Variants in NCR1 observed in about 807,000 individuals in gnomAD.
NCR1 encodes NK cell-activating receptor.
In NCR1, 30 loss-of-function variants were observed where a neutral mutation model predicts 32.5. The observed-to-expected ratio is 0.92, with a 90% confidence interval of 0.69 to 1.25. NCR1 has a LOEUF of 1.25. Ranked by LOEUF, NCR1 falls within the 50% of genes most tolerant of loss-of-function variation. NCR1 has a pLI of 0.00. For missense variants in NCR1, 369 were observed against 380.7 expected (o/e 0.97, Z 0.26); for synonymous variants, 169 against 143.4 (o/e 1.18, Z -1.28).
chr19:54,922,663 C>T, the NCR1 span, among the ~76,000 whole-genome samples: 6 of 151,306 alleles, frequency 4.0e-5, no homozygotes, highest in Non-Finnish European at 8.8e-5. Flanking sequence ...GCTGTAATTC[C>T]GGCTACTCGG....
the NCR1 span, among the ~76,000 whole-genome samples, chr19:54,898,643 C>T: frequency 6.6e-5 from 10 of 152,220 alleles, no homozygotes; most frequent in East Asian, 3.9e-4. Flanking sequence ...GAGAATAAGA[C>T]GGCCTTTTGA....
Position 54,912,973 on chromosome 19 carries a change from G to A in NCR1, c.*102G>A. 2 of 1,155,720 alleles carry A rather than the reference G, an allele frequency of 1.7e-6. No homozygotes were observed. The highest frequency in any genetic ancestry group is 1.2e-6 in the Non-Finnish European group (1 of 823,422). 71.6% of individuals were successfully genotyped at this position (1,155,720 alleles called of 1,614,324 possible). A position where few individuals can be genotyped will look rare whatever the true frequency, so the allele number is the denominator to read the frequency against. The stretch of plus-strand genomic sequence containing the variant: ...TGGACCCACGGAGGAGGGAGTCACT[G>A]CAGGGAAAGAGGGACACTGGCATTC... On this transcript the variant is annotated 3_prime_UTR_variant, in exon 7 of 7. Coordinates refer to ENST00000291890, the MANE Select transcript of NCR1 (RefSeq NM_004829.7).
chr19:54,914,463 T>C (rs775832), downstream of NCR1, among the ~76,000 whole-genome samples: 15,456 of 151,912 alleles, frequency 0.1, 2,105 homozygotes, highest in African/African-American at 0.31. Context: ...CTCAGCCTCC[T>C]GAATAGCTGG....
At chr19:54,923,352 C>T in the NCR1 span, among the ~76,000 whole-genome samples, 1 of 152,098 alleles carries the variant, frequency 6.6e-6, no homozygotes, top group Non-Finnish European at 1.5e-5. Flanking sequence ...ATGCACCTGG[C>T]AGATAGTAGA....
chr19:54,926,157 AC>A, the NCR1 span, among the ~76,000 whole-genome samples: 23 of 152,032 alleles, frequency 1.5e-4, no homozygotes, highest in South Asian at 3.9e-3. Context: ...AAAAGCTAAG[AC>A]CCAGGACAGC....
upstream of NCR1, among the ~76,000 whole-genome samples, chr19:54,903,350 GCATATATA>G (rs1166087943): frequency 1.3e-4 from 14 of 108,264 alleles, no homozygotes; most frequent in African/African-American, 2.7e-4. Flanking sequence ...ATACATATAT[GCATATATA>G]CATACATGTA....
At chr19:54,918,407 T>C (rs1211782693), downstream of NCR1, among the ~76,000 whole-genome samples, 2 of 152,018 alleles carry the variant, frequency 1.3e-5, no homozygotes, top group East Asian at 3.9e-4. Flanking sequence ...GTGCTGGCAT[T>C]ACAGACACCC....
chr19:54,926,501 C>T, the NCR1 span, among the ~76,000 whole-genome samples: 4 of 152,090 alleles, frequency 2.6e-5, no homozygotes, highest in East Asian at 1.9e-4. Flanking sequence ...ATCCCAGGGC[C>T]GAGCACAGTG....
the NCR1 span, chr19:54,923,676 C>A: frequency 6.3e-7 from 1 of 1,579,000 alleles, no homozygotes; most frequent in African/African-American, 1.3e-5. Flanking sequence ...GACCTGCATT[C>A]ATAAGACATC....
chr19:54,934,276 C>T, the NCR1 span, among the ~76,000 whole-genome samples: 1 of 152,114 alleles, frequency 6.6e-6, no homozygotes, highest in African/African-American at 2.4e-5. The surrounding 1 kb of genome is among the most constrained non-coding windows in gnomAD (Gnocchi z 6.7). Context: ...AGGGTTTCAC[C>T]ATGTTGGCCA....
chr19:54,901,765 C>T (rs972016899), upstream of NCR1, among the ~76,000 whole-genome samples: 2 of 152,122 alleles, frequency 1.3e-5, no homozygotes, highest in South Asian at 2.1e-4. Flanking sequence ...TTCAGGAGTT[C>T]AAAACCAGCC....
At chr19:54,904,694 G>C (rs1441093423), upstream of NCR1, among the ~76,000 whole-genome samples, 1 of 151,814 alleles carries the variant, frequency 6.6e-6, no homozygotes, top group Non-Finnish European at 1.5e-5. Flanking sequence ...CACCACACCC[G>C]GCTAATTTTG....
At chr19:54,906,252 C>T (rs1399849716) in intron 1 of NCR1, 31 bp downstream of exon 1, 2 of 1,614,058 alleles carry the variant, frequency 1.2e-6, no homozygotes, top group Non-Finnish European at 1.7e-6. Context: ...GGAATGGGAT[C>T]ACGGTGTGCC....
At chr19:54,912,069 T>C in intron 5 of NCR1, 99 bp from the exon 6 acceptor site, 1 of 1,068,636 alleles carries the variant, frequency 9.4e-7, no homozygotes, top group South Asian at 1.3e-5. Flanking sequence ...GGTGGGACCT[T>C]GTAAAGCTGC....
At chr19:54,907,864 C>T (rs181881149) in intron 3 of NCR1, among the ~76,000 whole-genome samples, 22 of 152,188 alleles carry the variant, frequency 1.4e-4, no homozygotes, top group African/African-American at 4.6e-4. Flanking sequence ...TTTCTATATT[C>T]TGTGTCATAT....
downstream of NCR1, chr19:54,913,138 T>C (rs553360994): frequency 9.7e-5 from 27 of 278,598 alleles, no homozygotes; most frequent in East Asian, 1.4e-3. Flanking sequence ...CTGCAACCTC[T>C]AGCTCTCCAT....
rs587608067 is a variant in NCR1, at chr19:54,908,116, C to T, written c.356-1129C>T. Among the ~76,000 whole-genome samples the T allele has an allele frequency of 3.5e-3, 525 of 152,132 alleles. 2 individuals carry two copies. The highest frequency in any genetic ancestry group is 0.012 in the African/African-American group (491 of 41,496). ...ATGTGAACAAAGGTCTCTGGCTTTC[C>T]TAGGCAGAGGTCCCTGCGGCCTTCC... On this transcript the variant is annotated intron_variant, in intron 3 of 6. Transcript: ENST00000291890.
chr19:54,909,573 G>A (rs770207765), intron 4 of NCR1, 50 bp downstream of exon 4: 1 of 1,559,686 alleles, frequency 6.4e-7, no homozygotes, highest in Non-Finnish European at 8.7e-7. Flanking sequence ...GTGCTACCTG[G>A]AGCCCTGAGG....
the NCR1 span, among the ~76,000 whole-genome samples, chr19:54,921,219 A>G: frequency 1.3e-5 from 2 of 151,976 alleles, no homozygotes; most frequent in Admixed American, 6.6e-5. Flanking sequence ...TCACCTGACC[A>G]CTTCCTTTAT....
Sources: allele counts gnomAD v4.1 joint callset (sites outside exome capture counted in the v4.1 genomes callset), GRCh38; gene constraint gnomAD v4.1.1; non-coding constraint Gnocchi (gnomAD v3.1); transcripts MANE v1.5; gene names NCBI Gene and HGNC (gene_info 2026-07-23, HGNC 2026-07-21).